The following CGNL1 variants were observed in gnomAD, a reference collection of about 807,000 sequenced individuals.
CGNL1 encodes cingulin-like protein 1.
In CGNL1, 132 loss-of-function variants were observed where a neutral mutation model predicts 141.2. That is an observed-to-expected ratio of 0.93 (90% CI 0.81 to 1.08). The LOEUF (loss-of-function observed/expected upper bound fraction) is 1.08, where lower values mean the gene tolerates loss of function less well. Ranked by LOEUF, CGNL1 falls within the 50% of genes least tolerant of loss-of-function variation. CGNL1 has a pLI of 0.00. For synonymous variants in CGNL1, 690 were observed against 622.1 expected, an observed-to-expected ratio of 1.11 and a Z score of -1.63; for missense variants, 1,870 against 1,588.6, an observed-to-expected ratio of 1.18 and a Z score of -3.01.
At chr15:57,546,373 G>C in intron 18 of CGNL1, 134 bp downstream of exon 18, 2 of 1,104,726 alleles carry the variant, frequency 1.8e-6, no homozygotes. Flanking sequence ...TCGTATCTTA[G>C]AGATGAAGGT....
intron 8 of CGNL1, among the ~76,000 whole-genome samples, chr15:57,478,695 G>A (rs1193041413): frequency 2.0e-5 from 3 of 152,214 alleles, no homozygotes; most frequent in African/African-American, 7.2e-5. Context: ...CTGTAGTGCA[G>A]TGGCATAATC....
At position 57,503,683 on chromosome 15, in the gene CGNL1, T is replaced by G. The variant is rs992828665; in HGVS notation, c.2404-13097T>G. Among the ~76,000 whole-genome samples, 4 of 152,098 alleles carry G rather than the reference T, an allele frequency of 2.6e-5. No homozygotes were observed. The East Asian group carries it at 7.7e-4, about 29-fold the overall frequency. ...AAAAGAGGTTTAGTTGGACTTAGAG[T>G]TCCACATGGCTGGGGAGGCCTCAGA... On this transcript the variant is annotated intron_variant, in intron 8 of 18. Transcript: ENST00000281282.
Position 57,516,827 on chromosome 15 carries a change from G to T in CGNL1, c.2451G>T (p.Gln817His), listed in dbSNP as rs762267528. ...ASRSNTSEQD[Q>H]AGTEMRVKLL... ...GGAGCAACACTTCAGAGCAAGACCA[G>T]GCGGGGACTGAAATGCGCGTGAAGC... The change falls in exon 9 of 19, where the codon CAG (glutamine) becomes CAT (histidine). Residue 817 changes from glutamine to histidine, a missense_variant. Physicochemically the swap from Gln to His is conservative, Grantham distance 24. Transcript: ENST00000281282. The T allele has an allele frequency of 2.5e-6, 4 of 1,614,098 alleles. No individual in the cohort carries two copies. Among genetic ancestry groups the T allele is most frequent in the Non-Finnish European group, 3.4e-6 (4 of 1,180,046 alleles).
chr15:57,379,772 C>T (rs1784290391), intron 1 of CGNL1, among the ~76,000 whole-genome samples: 1 of 151,602 alleles, frequency 6.6e-6, no homozygotes, highest in South Asian at 2.1e-4. Flanking sequence ...TGTGACATTG[C>T]TGTTATCAAG....
At chr15:57,538,853 C>A (rs1368842159) in intron 14 of CGNL1, among the ~76,000 whole-genome samples, 1 of 152,142 alleles carries the variant, frequency 6.6e-6, no homozygotes, top group Non-Finnish European at 1.5e-5. Flanking sequence ...TATTGAGAGT[C>A]CTAGGTCCTA....
rs1567172052 is a variant in CGNL1, at chr15:57,528,787, AC to A, written c.3175del (p.Arg1059AlafsTer43). The A allele has an allele frequency of 6.2e-7, 1 of 1,614,042 alleles. No homozygotes were observed. The highest frequency in any genetic ancestry group is 1.3e-5 in the African/African-American group (1 of 75,026). The stretch of plus-strand genomic sequence containing the variant: ...GAAGCCAAGAGTCACCTCAAAGATG[AC>A]CGCAGCAGGCTGGTCAAGCAGATGG... Reference protein sequence around the residue: ...ELEAKSHLKDDRSRLVKQMED... With the variant: ...ELEAKSHLKDXRSRLVKQMED... On this transcript the variant is annotated frameshift_variant, in exon 13 of 19. Coordinates refer to ENST00000281282, the MANE Select transcript of CGNL1 (RefSeq NM_032866.5). LOFTEE classifies it high-confidence loss of function.
intron 1 of CGNL1, among the ~76,000 whole-genome samples, chr15:57,380,420 G>T (rs2062411698): frequency 6.6e-6 from 1 of 152,172 alleles, no homozygotes. Flanking sequence ...AGGGGCCTGA[G>T]TCAGGTGGGG....
intron 12 of CGNL1, among the ~76,000 whole-genome samples, chr15:57,527,015 C>T: frequency 6.6e-6 from 1 of 152,274 alleles, no homozygotes; most frequent in Admixed American, 6.5e-5. Context: ...TTATAATTAT[C>T]CCAATTTTGT....
At chr15:57,523,269 G>A (rs1390478870) in intron 10 of CGNL1, among the ~76,000 whole-genome samples, 1 of 152,210 alleles carries the variant, frequency 6.6e-6, no homozygotes, top group African/African-American at 2.4e-5. Flanking sequence ...CTTCATTCCT[G>A]TGGATGTTTT....
intron 8 of CGNL1, among the ~76,000 whole-genome samples, chr15:57,488,656 G>A (rs1037958886): frequency 3.3e-5 from 5 of 152,142 alleles, no homozygotes; most frequent in Admixed American, 2.0e-4. Flanking sequence ...ATTAGTTGAC[G>A]GGATCCTTTA....
intron 4 of CGNL1, among the ~76,000 whole-genome samples, chr15:57,450,029 G>A (rs1383360335): frequency 1.3e-5 from 2 of 152,186 alleles, no homozygotes; most frequent in Non-Finnish European, 2.9e-5. Context: ...TCACGTACAG[G>A]TTTTTGTGTG....
chr15:57,380,896 C>T (rs771997806), intron 1 of CGNL1, among the ~76,000 whole-genome samples: 36 of 152,168 alleles, frequency 2.4e-4, no homozygotes, highest in Non-Finnish European at 3.1e-4. Context: ...GTGTGAAAGC[C>T]GCAGCTGCAG....
intron 16 of CGNL1, 90 bp from the exon 17 acceptor site, chr15:57,545,502 G>A (rs2032807158): frequency 1.7e-6 from 2 of 1,167,814 alleles, no homozygotes; most frequent in South Asian, 1.4e-5. Flanking sequence ...AGGCACCCCT[G>A]GCTGGAGCTT....
intron 9 of CGNL1, among the ~76,000 whole-genome samples, chr15:57,517,967 T>C (rs2030949894): frequency 6.7e-6 from 1 of 148,884 alleles, no homozygotes; most frequent in Non-Finnish European, 1.5e-5. Context: ...TGTTTTCAGA[T>C]CTCCAGGAAT....
chr15:57,475,021 G>A (rs1264650545), intron 8 of CGNL1, among the ~76,000 whole-genome samples: 1 of 152,174 alleles, frequency 6.6e-6, no homozygotes, highest in African/African-American at 2.4e-5. Context: ...ACCCAGGTCT[G>A]TGGCTTCCAC....
At chr15:57,440,983 C>G (rs1204915081) in intron 3 of CGNL1, among the ~76,000 whole-genome samples, 5 of 151,420 alleles carry the variant, frequency 3.3e-5, no homozygotes, top group African/African-American at 1.2e-4. Flanking sequence ...GGTTTCAGCC[C>G]TTACTTAGAT....
At chr15:57,446,018 A>G (rs1381675670) in intron 4 of CGNL1, among the ~76,000 whole-genome samples, 1 of 152,218 alleles carries the variant, frequency 6.6e-6, no homozygotes, top group African/African-American at 2.4e-5. Flanking sequence ...CTTATTTACT[A>G]CTTGCATACA....
intron 8 of CGNL1, among the ~76,000 whole-genome samples, chr15:57,492,712 C>G (rs1385019506): frequency 6.6e-6 from 1 of 151,808 alleles, no homozygotes; most frequent in Non-Finnish European, 1.5e-5. Flanking sequence ...AAAAAAAACC[C>G]AAAACATTTC....
intron 8 of CGNL1, among the ~76,000 whole-genome samples, chr15:57,513,933 C>G (rs1207382190): frequency 6.6e-6 from 1 of 152,174 alleles, no homozygotes; most frequent in Non-Finnish European, 1.5e-5. Context: ...AGTAGCTGCA[C>G]CATTTTACAT....
Sources: gnomAD v4.1 joint callset for allele counts (sites outside exome capture counted in the v4.1 genomes callset) on GRCh38, gnomAD v4.1.1 for gene constraint, MANE v1.5 for transcripts, NCBI Gene and HGNC (gene_info 2026-07-23, HGNC 2026-07-21) for gene names.